ABHD5: variants seen among roughly 807,000 people sequenced by gnomAD.
ABHD5 encodes 1-acylglycerol-3-phosphate O-acyltransferase ABHD5.
ABHD5 carries 30 observed loss-of-function variants against 44.9 expected under a neutral mutation model. The observed-to-expected ratio is 0.67, with a 90% CI of 0.50 to 0.91. The LOEUF is 0.91. Among genes scored for constraint, ABHD5 ranks in the 40% least tolerant of loss-of-function variants. ABHD5 has a pLI of 0.00. For missense variants in ABHD5, 399 were observed against 423.4 expected, an observed-to-expected ratio of 0.94 and a Z score of 0.50; for synonymous variants, 167 against 147.0, an observed-to-expected ratio of 1.14 and a Z score of -0.99.
intron 7 of ABHD5, among the ~76,000 whole-genome samples, chr3:43,733,585 C>T (rs1405656522): frequency 6.6e-6 from 1 of 152,180 alleles, no homozygotes; most frequent in African/African-American, 2.4e-5. Context: ...ACAGGATGCC[C>T]TTGTGTTTGC....
At chr3:43,694,716 G>T (rs751105472) in intron 1 of ABHD5, among the ~76,000 whole-genome samples, 1 of 152,038 alleles carries the variant, frequency 6.6e-6, no homozygotes, top group Admixed American at 6.6e-5. Context: ...ACAGGTTGGG[G>T]GGGGAGGGGC....
At position 43,701,128 on chromosome 3, in the gene ABHD5, G is replaced by A. The variant is rs138219999; in HGVS notation, c.134-1087G>A. On this transcript the variant is annotated intron_variant, in intron 2 of 6. Transcript: ENST00000644371. ...AGTGTCAGACATGAAAGTAAGCTAC[G>A]GTGGAGTGAGTTCTCTAATAGTTAT... Among the ~76,000 whole-genome samples, 529 of 152,260 alleles carry A rather than the reference G, an allele frequency of 3.5e-3. 2 individuals carry two copies. The highest frequency in any genetic ancestry group is 0.012 in the African/African-American group (489 of 41,546).
Position 43,719,361 on chromosome 3 carries a change from A to G in ABHD5, c.*829A>G, listed in dbSNP as rs991968634. The G allele has an allele frequency of 1.3e-5, 2 of 152,204 alleles. No homozygotes were observed. The highest frequency in any genetic ancestry group is 1.3e-4 in the Admixed American group (2 of 15,278). The allele number at this position is 152,204 out of a possible 1,614,324, so 9.4% of individuals were successfully genotyped here. A position where few individuals can be genotyped will look rare whatever the true frequency, so the allele number is the denominator to read the frequency against. On this transcript the variant is annotated 3_prime_UTR_variant, in exon 7 of 7. Coordinates refer to ENST00000644371, the MANE Select transcript of ABHD5 (RefSeq NM_016006.6). ...CTTTTCCATGACCCAGGATGCAGCAAATGAAACAGATTTCTTCTCTTAAGG... is the reference window on the plus strand; with the variant it reads ...CTTTTCCATGACCCAGGATGCAGCAGATGAAACAGATTTCTTCTCTTAAGG...
chr3:43,728,128 C>T (rs1464317412), intron 7 of ABHD5, among the ~76,000 whole-genome samples: 1 of 152,210 alleles, frequency 6.6e-6, no homozygotes, highest in Non-Finnish European at 1.5e-5. Flanking sequence ...TTCCTGAGGA[C>T]TCGGTCCTCT....
At position 43,722,143 on chromosome 3, in the gene ABHD5, AG is replaced by A. The variant is rs2149609389; in HGVS notation, c.*3612del. On this transcript the variant is annotated 3_prime_UTR_variant, in exon 7 of 7. Transcript: ENST00000644371. ...GTATATGCACAAAGATCTTGATTACAGCACTGTTTCTAATAGCTACAGACTG... is the reference window on the plus strand; with the variant it reads ...GTATATGCACAAAGATCTTGATTACACACTGTTTCTAATAGCTACAGACTG... 1 of 152,386 alleles carries A rather than the reference AG, an allele frequency of 6.6e-6. No homozygotes were observed. Among genetic ancestry groups the A allele is most frequent in the East Asian group, 1.9e-4 (1 of 5,190 alleles). 9.4% of individuals were successfully genotyped at this position (152,386 alleles called of 1,614,324 possible).
At chr3:43,727,683 A>G (rs968878548), downstream of ABHD5, among the ~76,000 whole-genome samples, 1 of 152,164 alleles carries the variant, frequency 6.6e-6, no homozygotes, top group Non-Finnish European at 1.5e-5. Context: ...ATCTCAGCTC[A>G]CTGCAACCTC....
chr3:43,731,668 CTAAAAA>C (rs2084913549), intron 7 of ABHD5, among the ~76,000 whole-genome samples: 1 of 152,038 alleles, frequency 6.6e-6, no homozygotes. Context: ...CCCGTCTCTA[CTAAAAA>C]TACAAAAATT....
Position 43,719,582 on chromosome 3 carries a change from T to G in ABHD5, c.*1050T>G, listed in dbSNP as rs891307123. 1 of 152,200 alleles carries G rather than the reference T, an allele frequency of 6.6e-6. No homozygotes were observed. Among genetic ancestry groups the G allele is most frequent in the Non-Finnish European group, 1.5e-5 (1 of 68,016 alleles). The allele number at this position is 152,200 out of a possible 1,614,324, so 9.4% of individuals were successfully genotyped here. A position where few individuals can be genotyped will look rare whatever the true frequency, so the allele number is the denominator to read the frequency against. ...TGTTGCTGTTGTTTATTAAGAGTAT[T>G]GTGTTAATTAAATCATTACATACTT... On this transcript the variant is annotated 3_prime_UTR_variant, in exon 7 of 7. Transcript: ENST00000644371.
rs181104037 is a variant in ABHD5, at chr3:43,711,426, T to A, written c.507-283T>A. On this transcript the variant is annotated intron_variant, in intron 3 of 6. Transcript: ENST00000644371. ...TAAATAACAAATGCCCTTTTTTCTT[T>A]TTCTCAAGAAACACACAGTTCTGTA... Among the ~76,000 whole-genome samples, 393 of 152,346 alleles carry A rather than the reference T, an allele frequency of 2.6e-3. 1 individual carries two copies. Among genetic ancestry groups the A allele is most frequent in the South Asian group, 9.1e-3 (44 of 4,832 alleles).
chr3:43,724,387 T>C (rs1412925280), downstream of ABHD5, among the ~76,000 whole-genome samples: 1 of 152,120 alleles, frequency 6.6e-6, no homozygotes, highest in Non-Finnish European at 1.5e-5. Flanking sequence ...GCAACCCCTT[T>C]GACAAGTCAT....
At chr3:43,731,798 A>C (rs1278537486) in intron 7 of ABHD5, among the ~76,000 whole-genome samples, 1 of 152,138 alleles carries the variant, frequency 6.6e-6, no homozygotes, top group African/African-American at 2.4e-5. Flanking sequence ...GTGCCATTGC[A>C]CTCCAGTCTG....
intron 2 of ABHD5, among the ~76,000 whole-genome samples, chr3:43,700,723 G>GCA (rs2084531240): frequency 6.9e-6 from 1 of 145,636 alleles, no homozygotes; most frequent in Non-Finnish European, 1.5e-5. Flanking sequence ...ACAGGCACCT[G>GCA]CCACCATACC....
At chr3:43,718,222 G>T (rs1469603367) in intron 6 of ABHD5, among the ~76,000 whole-genome samples, 1 of 151,960 alleles carries the variant, frequency 6.6e-6, no homozygotes, top group Non-Finnish European at 1.5e-5. Context: ...AGTGTTTTTT[G>T]CATATTAAAA....
Position 43,721,804 on chromosome 3 carries a change from T to C in ABHD5, c.*3272T>C, listed in dbSNP as rs1160759221. On this transcript the variant is annotated 3_prime_UTR_variant, in exon 7 of 7. Transcript: ENST00000644371. Reference sequence around the variant, plus strand: ...TAAACTATGAGAAGAACCCGAAGAATAGGCAAAAGGATGTGAACAGACAGT... The same window carrying C: ...TAAACTATGAGAAGAACCCGAAGAACAGGCAAAAGGATGTGAACAGACAGT... 3.9e-5 allele frequency: 6 copies of C among 152,070 alleles called. No homozygotes were observed. The highest frequency in any genetic ancestry group is 1.5e-5 in the Non-Finnish European group (1 of 68,014). The allele number at this position is 152,070 out of a possible 1,614,324, so 9.4% of individuals were successfully genotyped here. A position where few individuals can be genotyped will look rare whatever the true frequency, so the allele number is the denominator to read the frequency against.
intron 3 of ABHD5, among the ~76,000 whole-genome samples, chr3:43,708,642 GTCTA>G (rs2084651742): frequency 6.6e-6 from 1 of 152,160 alleles, no homozygotes; most frequent in Admixed American, 6.5e-5. Flanking sequence ...GCTTTGCATG[GTCTA>G]TCTTATTTAA....
At chr3:43,729,534 A>G (rs1174811679) in intron 7 of ABHD5, among the ~76,000 whole-genome samples, 3 of 152,236 alleles carry the variant, frequency 2.0e-5, no homozygotes, top group African/African-American at 2.4e-5. Context: ...GCTAATGAGT[A>G]GTCAGGAAAA....
intron 3 of ABHD5, among the ~76,000 whole-genome samples, chr3:43,708,817 A>G (rs2084653947): frequency 6.6e-6 from 1 of 152,216 alleles, no homozygotes; most frequent in African/African-American, 2.4e-5. Context: ...TATTGTTTGG[A>G]ATAGAAAAAT....
At chr3:43,715,085 C>T in intron 5 of ABHD5, 27 bp downstream of exon 5, 1 of 845,586 alleles carries the variant, frequency 1.2e-6, no homozygotes, top group Non-Finnish European at 2.0e-6. Flanking sequence ...TCAATTCACT[C>T]TGTGTGTGTG....
At chr3:43,712,041 CT>C (rs1420299902) in intron 4 of ABHD5, among the ~76,000 whole-genome samples, 178 bp downstream of exon 4, 1 of 152,112 alleles carries the variant, frequency 6.6e-6, no homozygotes, top group Non-Finnish European at 1.5e-5. Flanking sequence ...GGTTCTTCTC[CT>C]CAAAGGAGAG....
Sources: gnomAD v4.1 joint callset for allele counts (sites outside exome capture counted in the v4.1 genomes callset) on GRCh38, gnomAD v4.1.1 for gene constraint, MANE v1.5 for transcripts, NCBI Gene and HGNC (gene_info 2026-07-23, HGNC 2026-07-21) for gene names.